Variants in ELAVL2 observed in about 807,000 individuals in gnomAD.
ELAVL2 encodes the protein ELAV like RNA binding protein 2.
Under a neutral mutation model 34.6 loss-of-function variants are expected in ELAVL2, and 4 were observed. The ratio of observed to expected loss-of-function variants is 0.12; its 90% CI spans 0.06 to 0.26. The LOEUF (loss-of-function observed/expected upper bound fraction) is 0.26, where lower values mean the gene tolerates loss of function less well. Ranked by LOEUF, ELAVL2 falls within the 10% of genes least tolerant of loss-of-function variation. ELAVL2 has a pLI of 1.00. For missense variants in ELAVL2, 432 were observed against 442.8 expected, an observed-to-expected ratio of 0.98 and a Z score of 0.22; for synonymous variants, 193 against 154.8, an observed-to-expected ratio of 1.25 and a Z score of -1.83.
chr9:23,752,643 C>G (rs185862981), intron 2 of ELAVL2, among the ~76,000 whole-genome samples: 2 of 151,904 alleles, frequency 1.3e-5, no homozygotes, highest in South Asian at 4.1e-4. Flanking sequence ...TTAGTAGAGA[C>G]GGGGTTTCAC....
At chr9:23,807,347 C>T (rs1000288019) in intron 1 of ELAVL2, among the ~76,000 whole-genome samples, 4 of 152,016 alleles carry the variant, frequency 2.6e-5, no homozygotes, top group East Asian at 1.9e-4. Context: ...ACCTTTTTTC[C>T]GTGTCTTTTC....
chr9:23,820,439 C>T (rs2064406801), intron 1 of ELAVL2, among the ~76,000 whole-genome samples: 1 of 152,164 alleles, frequency 6.6e-6, no homozygotes, highest in Non-Finnish European at 1.5e-5. Context: ...CGTAGCAAAT[C>T]CTTTTCCCAT....
intron 2 of ELAVL2, among the ~76,000 whole-genome samples, chr9:23,752,179 C>T (rs1168743285): frequency 6.6e-6 from 1 of 152,146 alleles, no homozygotes; most frequent in African/African-American, 2.4e-5. Flanking sequence ...GAAAGAGAGA[C>T]AGTACCCCTG....
intron 1 of ELAVL2, among the ~76,000 whole-genome samples, chr9:23,788,819 C>T (rs1742501458): frequency 6.6e-6 from 1 of 152,178 alleles, no homozygotes; most frequent in South Asian, 2.1e-4. Context: ...CATGGATACA[C>T]TAGACAAAGG....
rs1011448127 is a variant in ELAVL2, at chr9:23,779,404, T to C, written c.-15-17155A>G. On this transcript the variant is annotated intron_variant, in intron 1 of 6. Transcript: ENST00000397312. ...GCCCTGCCTAAACACTGGCTATTTA[T>C]AGCACAGCAATGGAAGATCTGGGAG... 30 of 985,232 alleles carry C rather than the reference T, an allele frequency of 3.0e-5. No homozygotes were observed. The Admixed American group carries it at 1.2e-3, about 38-fold the overall frequency. 61.0% of individuals were successfully genotyped at this position (985,232 alleles called of 1,614,324 possible).
At chr9:23,765,713 T>C (rs754767708) in intron 1 of ELAVL2, among the ~76,000 whole-genome samples, 1 of 152,184 alleles carries the variant, frequency 6.6e-6, no homozygotes, top group Non-Finnish European at 1.5e-5. Flanking sequence ...TGCTCACATA[T>C]ACTAAGAGGC....
intron 1 of ELAVL2, among the ~76,000 whole-genome samples, chr9:23,781,605 C>A (rs956676987): frequency 1.3e-5 from 2 of 151,204 alleles, no homozygotes; most frequent in Non-Finnish European, 2.9e-5. Context: ...ACTGCAGCCT[C>A]CTGGGCTCAA....
At chr9:23,701,677 A>T in intron 4 of ELAVL2, 73 bp from the exon 5 acceptor site, 1 of 1,486,072 alleles carries the variant, frequency 6.7e-7, no homozygotes, top group Non-Finnish European at 9.2e-7. Context: ...GAAAGGACAC[A>T]TTAATTTTTC....
intron 1 of ELAVL2, among the ~76,000 whole-genome samples, chr9:23,795,610 A>G (rs1320727229): frequency 6.6e-6 from 1 of 152,210 alleles, no homozygotes; most frequent in Non-Finnish European, 1.5e-5. Context: ...TACTACGTCC[A>G]TAGTCATTGA....
chr9:23,765,225 A>G, intron 1 of ELAVL2: 3 of 743,530 alleles, frequency 4.0e-6, no homozygotes, highest in Non-Finnish European at 6.3e-6. Context: ...GGCTTAATTG[A>G]AATTGAGGCA....
intron 2 of ELAVL2, among the ~76,000 whole-genome samples, chr9:23,739,399 GTCATACC>G (rs2048622404): frequency 6.6e-6 from 1 of 152,168 alleles, no homozygotes; most frequent in East Asian, 1.9e-4. Context: ...TAGCCTGAAA[GTCATACC>G]TGACAGTTCA....
intron 1 of ELAVL2, among the ~76,000 whole-genome samples, chr9:23,771,136 G>C: frequency 6.6e-6 from 1 of 152,212 alleles, no homozygotes; most frequent in East Asian, 1.9e-4. Context: ...AGCAACTGCA[G>C]CAATTCAGGT....
At position 23,765,314 on chromosome 9, in the gene ELAVL2, G is replaced by A. The variant is rs544215421; in HGVS notation, c.-15-3065C>T. Among the ~76,000 whole-genome samples the A allele has an allele frequency of 3.9e-5, 6 of 152,214 alleles. No individual in the cohort carries two copies. In the South Asian group the frequency reaches 8.3e-4, roughly 21 times the overall value. On this transcript the variant is annotated intron_variant, in intron 1 of 6. Coordinates refer to ENST00000397312, the MANE Select transcript of ELAVL2 (RefSeq NM_004432.5). ...TATAAGCATTTTTAATTAAGAGCCT[G>A]ATTTTAAAACAGTATTAACTAGTTA...
At chr9:23,815,572 A>G (rs557993946) in intron 1 of ELAVL2, among the ~76,000 whole-genome samples, 81 of 152,324 alleles carry the variant, frequency 5.3e-4, no homozygotes, top group African/African-American at 1.9e-3. Context: ...AATTCAGTCA[A>G]TGTCATTTCA....
intron 2 of ELAVL2, among the ~76,000 whole-genome samples, chr9:23,750,047 A>C (rs1223776253): frequency 1.3e-5 from 2 of 149,276 alleles, no homozygotes; most frequent in Non-Finnish European, 3.0e-5. Flanking sequence ...AAAAAAAAAG[A>C]CTCTTTAAAA....
intron 1 of ELAVL2, among the ~76,000 whole-genome samples, chr9:23,790,151 G>A (rs1185208497): frequency 1.3e-5 from 2 of 151,950 alleles, no homozygotes; most frequent in Admixed American, 6.6e-5. Context: ...AAAAGAGGCA[G>A]GTCCGAGTGC....
intron 2 of ELAVL2, 61 bp from the exon 3 acceptor site, chr9:23,731,186 T>G: frequency 6.8e-7 from 1 of 1,467,408 alleles, no homozygotes; most frequent in Non-Finnish European, 9.3e-7. Context: ...AGAGATCAAC[T>G]TTCATTTTGG....
intron 2 of ELAVL2, among the ~76,000 whole-genome samples, chr9:23,753,390 A>G (rs1329477080): frequency 6.6e-6 from 1 of 152,164 alleles, no homozygotes; most frequent in Non-Finnish European, 1.5e-5. Flanking sequence ...GTACAGAATA[A>G]AAGTGCTTCG....
chr9:23,720,385 C>T (rs2043369753), intron 3 of ELAVL2, among the ~76,000 whole-genome samples: 1 of 150,194 alleles, frequency 6.7e-6, no homozygotes, highest in African/African-American at 2.5e-5. Flanking sequence ...ATGTTGGCGG[C>T]CAAGCTGATC....
Sources: gnomAD v4.1 joint callset for allele counts (sites outside exome capture counted in the v4.1 genomes callset) on GRCh38, gnomAD v4.1.1 for gene constraint, MANE v1.5 for transcripts, NCBI Gene and HGNC (gene_info 2026-07-23, HGNC 2026-07-21) for gene names.